Variants in TUSC3 observed in about 807,000 individuals in gnomAD.
The protein encoded by TUSC3 is tumor suppressor candidate 3, also known as dolichyl-diphosphooligosaccharide--protein glycosyltransferase subunit TUSC3.
In TUSC3, 45 loss-of-function variants were observed where a neutral mutation model predicts 44.8. That is an observed-to-expected ratio of 1.00 (90% CI 0.79 to 1.29). TUSC3 has a LOEUF of 1.29. TUSC3 is among the 50% of genes most tolerant of loss of function. TUSC3 has a pLI of 0.00. For missense variants in TUSC3, 519 were observed against 437.9 expected (o/e 1.19, Z -1.65); for synonymous variants, 212 against 152.9 (o/e 1.39, Z -2.85).
chr8:15,801,246 G>A, the TUSC3 span, among the ~76,000 whole-genome samples: 1 of 152,106 alleles, frequency 6.6e-6, no homozygotes, highest in Admixed American at 6.5e-5. Context: ...ATTTCCTGAC[G>A]CTGCCATGGC....
intron 7 of TUSC3, among the ~76,000 whole-genome samples, chr8:15,736,476 A>G (rs1477462400): frequency 2.6e-5 from 4 of 152,192 alleles, no homozygotes; most frequent in African/African-American, 9.6e-5. Flanking sequence ...GTGGTATCAA[A>G]TGATAAAATT....
At chr8:15,789,676 G>T in the TUSC3 span, among the ~76,000 whole-genome samples, 1 of 151,990 alleles carries the variant, frequency 6.6e-6, no homozygotes, top group African/African-American at 2.4e-5. Flanking sequence ...TAAATCTATT[G>T]CAATGAACAA....
intron 1 of TUSC3, among the ~76,000 whole-genome samples, chr8:15,425,355 G>A (rs183653972): frequency 2.0e-5 from 3 of 152,248 alleles, no homozygotes; most frequent in East Asian, 1.9e-4. Context: ...AGACTGTTTC[G>A]TATTGATAGA....
intron 7 of TUSC3, among the ~76,000 whole-genome samples, chr8:15,732,871 A>T (rs973075699): frequency 1.3e-5 from 2 of 152,098 alleles, no homozygotes; most frequent in African/African-American, 4.8e-5. Flanking sequence ...TATTTCTCCC[A>T]CCCTTGATGA....
At chr8:15,582,775 A>C (rs1020968968) in intron 1 of TUSC3, among the ~76,000 whole-genome samples, 1 of 152,194 alleles carries the variant, frequency 6.6e-6, no homozygotes, top group Non-Finnish European at 1.5e-5. Flanking sequence ...CTCAACTCGA[A>C]GATTAGTCTT....
chr8:15,658,618 G>C (rs900787689), intron 3 of TUSC3, among the ~76,000 whole-genome samples: 1 of 133,732 alleles, frequency 7.5e-6, no homozygotes, highest in Non-Finnish European at 1.6e-5. Flanking sequence ...AATTTAATTC[G>C]TGTATATATA....
intron 1 of TUSC3, among the ~76,000 whole-genome samples, chr8:15,461,496 T>C (rs1800344398): frequency 6.6e-6 from 1 of 152,080 alleles, no homozygotes; most frequent in Non-Finnish European, 1.5e-5. Context: ...GGGTTTGACT[T>C]CCTCTTAAAC....
chr8:15,666,092 C>T (rs1463783180), intron 5 of TUSC3, among the ~76,000 whole-genome samples: 1 of 151,382 alleles, frequency 6.6e-6, no homozygotes, highest in Non-Finnish European at 1.5e-5. Context: ...AGTTTATGGT[C>T]TTGAGAAAAC....
At position 15,563,543 on chromosome 8, in the gene TUSC3, G is replaced by A. The variant is rs547736181; in HGVS notation, c.138+22975G>A. Reference sequence around the variant, plus strand: ...TCTGCTAAAAATACAAAAATTAGCTGGTTGTGGTGGCGCATGCCTGTAATA... The same window carrying A: ...TCTGCTAAAAATACAAAAATTAGCTAGTTGTGGTGGCGCATGCCTGTAATA... On this transcript the variant is annotated intron_variant, in intron 1 of 10. Transcript: ENST00000503731. Among the ~76,000 whole-genome samples the A allele has an allele frequency of 5.9e-5, 9 of 152,032 alleles. No homozygotes were observed. The East Asian group carries it at 1.6e-3, about 26-fold the overall frequency.
intron 2 of TUSC3, among the ~76,000 whole-genome samples, chr8:15,503,863 T>G (rs1801007434): frequency 6.6e-6 from 1 of 151,600 alleles, no homozygotes; most frequent in Non-Finnish European, 1.5e-5. Flanking sequence ...TGGTAATGGC[T>G]CCACAGCTGG....
At chr8:15,648,218 G>T (rs1461134803) in intron 2 of TUSC3, among the ~76,000 whole-genome samples, 1 of 152,074 alleles carries the variant, frequency 6.6e-6, no homozygotes, top group Non-Finnish European at 1.5e-5. Context: ...TAACATTGGT[G>T]TTTTATTTGG....
the TUSC3 span, among the ~76,000 whole-genome samples, chr8:15,799,948 G>C: frequency 1.3e-5 from 2 of 152,156 alleles, no homozygotes; most frequent in Admixed American, 1.3e-4. Context: ...AACACAAAGA[G>C]GGTCAGATGG....
chr8:15,581,526 T>G (rs1311235971), intron 1 of TUSC3, among the ~76,000 whole-genome samples: 1 of 148,138 alleles, frequency 6.8e-6, no homozygotes, highest in Non-Finnish European at 1.5e-5. Flanking sequence ...TTGTTAGTTT[T>G]CCTTCTAACA....
At chr8:15,643,470 C>G (rs1410208910) in intron 2 of TUSC3, among the ~76,000 whole-genome samples, 1 of 151,084 alleles carries the variant, frequency 6.6e-6, no homozygotes. Flanking sequence ...AGTGCTAACT[C>G]TGCGTATTGT....
At chr8:15,600,508 T>C (rs1374423479) in intron 1 of TUSC3, among the ~76,000 whole-genome samples, 1 of 151,706 alleles carries the variant, frequency 6.6e-6, no homozygotes, top group South Asian at 2.1e-4. Context: ...TTTATCATTA[T>C]TGTGACCGTT....
chr8:15,592,968 T>A (rs1803915150), intron 1 of TUSC3, among the ~76,000 whole-genome samples: 1 of 152,206 alleles, frequency 6.6e-6, no homozygotes, highest in Non-Finnish European at 1.5e-5. Flanking sequence ...TTAGCTATAG[T>A]GCTTATGAAT....
intron 1 of TUSC3, among the ~76,000 whole-genome samples, chr8:15,578,430 A>C (rs1263895150): frequency 8.4e-6 from 1 of 119,202 alleles, no homozygotes; most frequent in Non-Finnish European, 1.7e-5. Context: ...TTGCCCATTC[A>C]GTATGATATT....
intron 7 of TUSC3, among the ~76,000 whole-genome samples, chr8:15,735,984 T>C (rs1467363407): frequency 1.3e-5 from 2 of 152,010 alleles, no homozygotes; most frequent in Non-Finnish European, 2.9e-5. Context: ...CACCTTGGCC[T>C]CCCAAAGTGC....
intron 1 of TUSC3, among the ~76,000 whole-genome samples, chr8:15,460,595 T>C (rs1379200921): frequency 6.6e-6 from 1 of 152,214 alleles, no homozygotes; most frequent in African/African-American, 2.4e-5. Flanking sequence ...GGTCATAAAA[T>C]CCTTGACTAA....
Sources: gnomAD v4.1 joint callset for allele counts (sites outside exome capture counted in the v4.1 genomes callset) on GRCh38, gnomAD v4.1.1 for gene constraint, MANE v1.5 for transcripts, NCBI Gene and HGNC (gene_info 2026-07-23, HGNC 2026-07-21) for gene names.